The following STARD3NL variants were observed in gnomAD, a reference collection of about 807,000 sequenced individuals.
STARD3NL encodes the protein STARD3 N-terminal like.
Under a neutral mutation model 30.9 loss-of-function variants are expected in STARD3NL, and 17 were observed. That is an observed-to-expected ratio of 0.55 (90% CI 0.38 to 0.82). The LOEUF is 0.82. Ranked by LOEUF, STARD3NL falls within the 40% of genes least tolerant of loss-of-function variation. The pLI is 0.00. For synonymous variants in STARD3NL, 112 were observed against 100.5 expected (o/e 1.11, Z -0.69); for missense variants, 234 against 277.6 (o/e 0.84, Z 1.12).
At chr7:38,185,181 T>A (rs1339618040) in intron 1 of STARD3NL, among the ~76,000 whole-genome samples, 2 of 152,138 alleles carry the variant, frequency 1.3e-5, no homozygotes, top group Non-Finnish European at 2.9e-5. Flanking sequence ...GTTGCTGATC[T>A]TCTTGAGGGT....
intron 2 of STARD3NL, among the ~76,000 whole-genome samples, chr7:38,208,778 T>C (rs1785632358): frequency 6.6e-6 from 1 of 152,238 alleles, no homozygotes; most frequent in African/African-American, 2.4e-5. Context: ...AATACAAAAA[T>C]ATGAAAAGAT....
chr7:38,227,121 G>A (rs1417343004), intron 7 of STARD3NL, among the ~76,000 whole-genome samples: 2 of 152,200 alleles, frequency 1.3e-5, no homozygotes, highest in African/African-American at 4.8e-5. Flanking sequence ...GTAGCAAGAA[G>A]TCTCTTTTAA....
chr7:38,200,975 T>C (rs1005817372), intron 1 of STARD3NL, among the ~76,000 whole-genome samples: 5 of 152,210 alleles, frequency 3.3e-5, no homozygotes, highest in African/African-American at 1.2e-4. Context: ...CTTCTCTAAT[T>C]TTTCTGTTTT....
intron 1 of STARD3NL, among the ~76,000 whole-genome samples, chr7:38,203,807 A>G (rs1785304573): frequency 6.6e-6 from 1 of 152,208 alleles, no homozygotes. Context: ...ATGGAAAACA[A>G]AAAAAGGCAG....
intron 2 of STARD3NL, 41 bp from the exon 3 acceptor site, chr7:38,214,316 A>G (rs1040074407): frequency 3.0e-6 from 4 of 1,317,746 alleles, no homozygotes; most frequent in Non-Finnish European, 4.3e-6. Context: ...ATTTCCACAC[A>G]TAAACCTCTC....
At chr7:38,209,162 C>G (rs139255068) in intron 2 of STARD3NL, among the ~76,000 whole-genome samples, 43 of 152,128 alleles carry the variant, frequency 2.8e-4, no homozygotes, top group Non-Finnish European at 5.9e-4. Flanking sequence ...TTTAGAGTCT[C>G]TTTTTGCTAT....
intron 3 of STARD3NL, among the ~76,000 whole-genome samples, chr7:38,214,728 T>C (rs1267963718): frequency 6.6e-6 from 1 of 152,220 alleles, no homozygotes; most frequent in Non-Finnish European, 1.5e-5. Context: ...ATAGAACCCA[T>C]TGACATATCT....
intron 2 of STARD3NL, among the ~76,000 whole-genome samples, chr7:38,211,960 C>T (rs1026425516): frequency 1.3e-5 from 2 of 152,072 alleles, no homozygotes; most frequent in Non-Finnish European, 2.9e-5. Flanking sequence ...TCCTTTTCCA[C>T]TGTTTCCCTT....
chr7:38,219,699 T>C, intron 7 of STARD3NL, 39 bp downstream of exon 7: 3 of 1,538,846 alleles, frequency 1.9e-6, no homozygotes, highest in Middle Eastern at 1.7e-4. Flanking sequence ...GTATCTCTCA[T>C]TCAAAGGCTC....
intron 1 of STARD3NL, among the ~76,000 whole-genome samples, chr7:38,191,612 G>C (rs768837690): frequency 5.9e-5 from 9 of 152,094 alleles, no homozygotes; most frequent in Non-Finnish European, 1.3e-4. Flanking sequence ...ATATCTGGTT[G>C]TTTTCTTCAC....
chr7:38,202,596 T>C (rs1389107104), intron 1 of STARD3NL, among the ~76,000 whole-genome samples: 3 of 152,178 alleles, frequency 2.0e-5, no homozygotes, highest in Non-Finnish European at 4.4e-5. Flanking sequence ...TATTATACTT[T>C]AAGTTTTAGG....
chr7:38,228,526 T>C (rs1386021584), intron 7 of STARD3NL, among the ~76,000 whole-genome samples: 2 of 152,254 alleles, frequency 1.3e-5, no homozygotes, highest in Non-Finnish European at 2.9e-5. Context: ...TAGTGATTGA[T>C]AATAGTTATT....
intron 1 of STARD3NL, among the ~76,000 whole-genome samples, chr7:38,181,942 CCTCT>C (rs1389997019): frequency 1.3e-5 from 2 of 152,144 alleles, no homozygotes; most frequent in Non-Finnish European, 2.9e-5. Flanking sequence ...TCTACCTGTC[CCTCT>C]AAGTCCACTC....
chr7:38,207,840 C>T (rs1785581190), intron 2 of STARD3NL, 111 bp downstream of exon 2: 5 of 1,024,732 alleles, frequency 4.9e-6, no homozygotes, highest in Admixed American at 5.2e-5. Context: ...CATCTTTTTC[C>T]AAATGAAGCC....
rs1329372901 is a variant in STARD3NL at position 38,230,542 on chromosome 7, A to G, written c.*637A>G. 3 of 152,226 alleles carry G rather than the reference A, an allele frequency of 2.0e-5. No homozygotes were observed. Among genetic ancestry groups the G allele is most frequent in the African/African-American group, 4.8e-5 (2 of 41,452 alleles). The allele number at this position is 152,226 out of a possible 1,614,324, so 9.4% of individuals were successfully genotyped here. On this transcript the variant is annotated 3_prime_UTR_variant, in exon 9 of 9. Transcript: ENST00000009041. Reference sequence around the variant, plus strand: ...ACATTTGTATTATTTTTATCATGAAATCATGTTTTTCTCTGATTGTTCTGA... The same window carrying G: ...ACATTTGTATTATTTTTATCATGAAGTCATGTTTTTCTCTGATTGTTCTGA...
chr7:38,216,899 C>A, intron 4 of STARD3NL, 126 bp from the exon 5 acceptor site: 3 of 1,105,792 alleles, frequency 2.7e-6, no homozygotes, highest in Non-Finnish European at 2.6e-6. Context: ...TGGGAAGGAG[C>A]CAGGCTAGGC....
Position 38,214,727 on chromosome 7 carries a change from A to T in STARD3NL, c.303+293A>T, listed in dbSNP as rs1383195059. ...CTTTCAAATGGCTCAAATAGAACCC[A>T]TTGACATATCTAGTCACTGAAAGGA... On this transcript the variant is annotated intron_variant, in intron 3 of 8. Coordinates refer to ENST00000009041, the MANE Select transcript of STARD3NL (RefSeq NM_032016.4). Among the ~76,000 whole-genome samples the T allele has an allele frequency of 2.0e-5, 3 of 152,338 alleles. No individual in the cohort carries two copies. The East Asian group carries it at 5.8e-4, about 29-fold the overall frequency.
At chr7:38,220,745 G>T (rs542469685) in intron 7 of STARD3NL, among the ~76,000 whole-genome samples, 3 of 152,318 alleles carry the variant, frequency 2.0e-5, no homozygotes, top group Admixed American at 6.5e-5. Flanking sequence ...AAATCAAACA[G>T]CTGTCAGCAG....
Position 38,192,141 on chromosome 7 carries a change from A to G in STARD3NL, c.-59+13721A>G, listed in dbSNP as rs185745904. 3.9e-5 allele frequency among the ~76,000 whole-genome samples: 6 copies of G among 152,204 alleles called. No homozygotes were observed. In the East Asian group the frequency reaches 1.2e-3, roughly 29 times the overall value. ...TCCTTAGTGTTTTGTTTTTGATGCT[A>G]TTTTAAATGGCTGCCTTGCCTTTCT... is the stretch of plus-strand genomic sequence containing the variant. On this transcript the variant is annotated intron_variant, in intron 1 of 8. Transcript: ENST00000009041.
Sources: allele counts gnomAD v4.1 joint callset (sites outside exome capture counted in the v4.1 genomes callset), GRCh38; gene constraint gnomAD v4.1.1; transcripts MANE v1.5; gene names NCBI Gene and HGNC (gene_info 2026-07-23, HGNC 2026-07-21).